Variants in HDAC9 observed in about 807,000 individuals in gnomAD.
The protein encoded by HDAC9 is MEF-2 interacting transcription repressor (MITR) protein.
In HDAC9, 41 loss-of-function variants were observed where a neutral mutation model predicts 139.4. The ratio of observed to expected loss-of-function variants is 0.29; its 90% CI spans 0.23 to 0.38. HDAC9 has a LOEUF of 0.38. HDAC9 is among the 10% of genes least tolerant of loss of function. The probability of loss-of-function intolerance (pLI) is 1.00; values close to 1 mark genes in which losing one functional copy is unlikely to be tolerated. For synonymous variants in HDAC9, 517 were observed against 476.2 expected, an observed-to-expected ratio of 1.09 and a Z score of -1.12; for missense variants, 1,147 against 1,297.0, an observed-to-expected ratio of 0.88 and a Z score of 1.78.
At chr7:18,234,496 A>C (rs1014829658) in intron 2 of HDAC9, among the ~76,000 whole-genome samples, 2 of 152,210 alleles carry the variant, frequency 1.3e-5, no homozygotes, top group Non-Finnish European at 2.9e-5. Context: ...AATAAAAAGC[A>C]GCTAACCTTT....
At chr7:18,601,888 T>A (rs1223554945) in intron 6 of HDAC9, among the ~76,000 whole-genome samples, 5 of 152,212 alleles carry the variant, frequency 3.3e-5, no homozygotes, top group Admixed American at 2.6e-4. Flanking sequence ...TGGAAGATTT[T>A]AAAATCTATA....
At chr7:18,279,361 G>T (rs1796947178) in intron 2 of HDAC9, among the ~76,000 whole-genome samples, 1 of 151,888 alleles carries the variant, frequency 6.6e-6, no homozygotes, top group South Asian at 2.1e-4. Flanking sequence ...TAAATGAAAT[G>T]GTTAGGGAAA....
intron 22 of HDAC9, among the ~76,000 whole-genome samples, chr7:18,932,862 A>AAGAAAGAAAG (rs1804891621): frequency 6.8e-6 from 1 of 146,734 alleles, no homozygotes; most frequent in African/African-American, 2.7e-5. Context: ...GAAAGAAAGA[A>AAGAAAGAAAG]AGAAAGAAAG....
At chr7:18,546,222 C>G (rs1814770554) in intron 2 of HDAC9, among the ~76,000 whole-genome samples, 1 of 152,102 alleles carries the variant, frequency 6.6e-6, no homozygotes, top group Non-Finnish European at 1.5e-5. Context: ...TGAAAAAAAT[C>G]TTTTCAGTGT....
chr7:18,243,726 G>A (rs748408788), intron 2 of HDAC9, among the ~76,000 whole-genome samples: 6 of 152,190 alleles, frequency 3.9e-5, no homozygotes, highest in Non-Finnish European at 8.8e-5. Context: ...TGTTTTAAAT[G>A]TCTGTGTAAC....
At chr7:18,845,578 A>G (rs1199185714) in intron 21 of HDAC9, among the ~76,000 whole-genome samples, 2 of 152,054 alleles carry the variant, frequency 1.3e-5, no homozygotes, top group African/African-American at 4.8e-5. Flanking sequence ...TGTTTTTATT[A>G]AAAGCTTATT....
chr7:18,122,680 A>G (rs1056406044), intron 1 of HDAC9, among the ~76,000 whole-genome samples: 3 of 152,170 alleles, frequency 2.0e-5, no homozygotes, highest in African/African-American at 7.2e-5. Context: ...ATGCAACAGC[A>G]TGATCTCAGC....
chr7:18,953,153 A>G (rs1782917944), intron 23 of HDAC9, among the ~76,000 whole-genome samples: 1 of 152,108 alleles, frequency 6.6e-6, no homozygotes, highest in Admixed American at 6.6e-5. Context: ...TGATGCGTCT[A>G]GTGACATCGC....
At chr7:18,522,199 T>C (rs138312928) in intron 2 of HDAC9, among the ~76,000 whole-genome samples, 4 of 152,316 alleles carry the variant, frequency 2.6e-5, no homozygotes, top group African/African-American at 9.6e-5. Flanking sequence ...TCTCTGTGAA[T>C]GGCTAAGTTG....
chr7:18,208,260 C>A (rs2128165664), intron 2 of HDAC9, among the ~76,000 whole-genome samples: 1 of 152,216 alleles, frequency 6.6e-6, no homozygotes, highest in African/African-American at 2.4e-5. Flanking sequence ...ATCCTAGCTA[C>A]CACTTCTCCC....
At chr7:18,163,879 T>C (rs1336032987) in intron 2 of HDAC9, among the ~76,000 whole-genome samples, 15 of 152,300 alleles carry the variant, frequency 9.8e-5, no homozygotes, top group Non-Finnish European at 2.9e-5. Context: ...TATTTGGCAG[T>C]GGATGTTGGT....
At chr7:18,600,746 A>C (rs545711433) in intron 6 of HDAC9, among the ~76,000 whole-genome samples, 1 of 152,150 alleles carries the variant, frequency 6.6e-6, no homozygotes, top group African/African-American at 2.4e-5. Flanking sequence ...TGTGTTGGCT[A>C]TCCTGAGTCT....
chr7:18,410,510 GATA>G (rs1201870940), intron 1 of HDAC9, among the ~76,000 whole-genome samples: 2 of 152,080 alleles, frequency 1.3e-5, no homozygotes, highest in African/African-American at 2.4e-5. Flanking sequence ...AATTGTATAT[GATA>G]ATAAGTATAT....
At chr7:18,770,168 G>A (rs886187969) in intron 16 of HDAC9, among the ~76,000 whole-genome samples, 3 of 152,100 alleles carry the variant, frequency 2.0e-5, no homozygotes, top group Non-Finnish European at 4.4e-5. Context: ...TATTTAAGGT[G>A]CTGTGAAATG....
At chr7:18,584,880 G>A (rs1387144704) in intron 2 of HDAC9, among the ~76,000 whole-genome samples, 1 of 152,138 alleles carries the variant, frequency 6.6e-6, no homozygotes, top group Non-Finnish European at 1.5e-5. Flanking sequence ...GTGTACAAAT[G>A]TAGTCATGGT....
At chr7:18,171,766 T>G (rs1234904509) in intron 2 of HDAC9, among the ~76,000 whole-genome samples, 1 of 152,228 alleles carries the variant, frequency 6.6e-6, no homozygotes, top group Non-Finnish European at 1.5e-5. Flanking sequence ...TTCCGTATGT[T>G]GAACCAGCCT....
intron 22 of HDAC9, among the ~76,000 whole-genome samples, chr7:18,886,847 A>T (rs1233209732): frequency 1.3e-5 from 2 of 152,240 alleles, no homozygotes; most frequent in East Asian, 3.8e-4. Flanking sequence ...CAGACAAAAA[A>T]TGGTTCTTCC....
intron 6 of HDAC9, among the ~76,000 whole-genome samples, chr7:18,609,295 A>T (rs1836434694): frequency 6.6e-6 from 1 of 152,190 alleles, no homozygotes; most frequent in African/African-American, 2.4e-5. Flanking sequence ...GGCTAGTATG[A>T]CTTAGGAGCT....
chr7:18,950,180 G>A (rs960093366), intron 23 of HDAC9, among the ~76,000 whole-genome samples: 1 of 151,748 alleles, frequency 6.6e-6, no homozygotes, highest in East Asian at 1.9e-4. Context: ...TTTTTCTTCC[G>A]CTCAATTGGA....
Sources: allele counts gnomAD v4.1 joint callset (sites outside exome capture counted in the v4.1 genomes callset), GRCh38; gene constraint gnomAD v4.1.1; transcripts MANE v1.5; gene names NCBI Gene and HGNC (gene_info 2026-07-23, HGNC 2026-07-21).